The following MAP7 variants were observed in gnomAD, a reference collection of about 807,000 sequenced individuals.
MAP7 encodes ensconsin.
In MAP7, 52 loss-of-function variants were observed where a neutral mutation model predicts 94.8. That is an observed-to-expected ratio of 0.55 (90% CI 0.44 to 0.69). The LOEUF (loss-of-function observed/expected upper bound fraction) is 0.69, where lower values mean the gene tolerates loss of function less well. Ranked by LOEUF, MAP7 falls within the 30% of genes least tolerant of loss-of-function variation. The pLI, the probability that MAP7 is intolerant of heterozygous loss-of-function variation, is 0.00. For missense variants in MAP7, 940 were observed against 964.6 expected (o/e 0.97, Z 0.34); for synonymous variants, 350 against 357.0 (o/e 0.98, Z 0.22).
At chr6:136,390,065 A>G (rs1015050498) in intron 3 of MAP7, among the ~76,000 whole-genome samples, 2 of 152,206 alleles carry the variant, frequency 1.3e-5, no homozygotes, top group African/African-American at 4.8e-5. Context: ...GGAGCTCACA[A>G]TTTAGTTAGA....
chr6:136,369,957 A>C (rs1392177577), intron 8 of MAP7, among the ~76,000 whole-genome samples: 2 of 152,232 alleles, frequency 1.3e-5, no homozygotes, highest in African/African-American at 4.8e-5. Flanking sequence ...ACACTTCTAT[A>C]TATCAAAGGA....
chr6:136,541,931 C>T (rs1189565256), intron 1 of MAP7, among the ~76,000 whole-genome samples: 1 of 152,110 alleles, frequency 6.6e-6, no homozygotes, highest in Non-Finnish European at 1.5e-5. Context: ...TGGTGGTGGG[C>T]ACCTGTAGTC....
intron 3 of MAP7, among the ~76,000 whole-genome samples, chr6:136,397,399 T>A (rs1280121296): frequency 6.6e-6 from 1 of 152,116 alleles, no homozygotes; most frequent in African/African-American, 2.4e-5. Context: ...ATATTCCCTA[T>A]GGATAATGTT....
rs370736421 is a variant in MAP7 at position 136,384,283 on chromosome 6, CGTT to C, written c.527-505_527-503del. Among the ~76,000 whole-genome samples the C allele has an allele frequency of 1.5e-4, 22 of 151,578 alleles. 1 individual carries two copies. The highest frequency in any genetic ancestry group is 1.3e-3 in the Admixed American group (20 of 15,212). ...TTAAAGTTCATTATAGAAGAAGGCT[CGTT>C]GTTGTTGTTGTTGTTTAAATAAAAA... On this transcript the variant is annotated intron_variant, in intron 5 of 17. Transcript: ENST00000354570.
chr6:136,454,880 T>C (rs1802394962), intron 1 of MAP7, among the ~76,000 whole-genome samples: 1 of 151,966 alleles, frequency 6.6e-6, no homozygotes, highest in Admixed American at 6.5e-5. Flanking sequence ...GCTTGGGTGA[T>C]AGGCCAAGAC....
At chr6:136,476,611 T>C (rs1490794477) in intron 1 of MAP7, among the ~76,000 whole-genome samples, 1 of 152,200 alleles carries the variant, frequency 6.6e-6, no homozygotes, top group Non-Finnish European at 1.5e-5. Context: ...TTCAAGTTCG[T>C]ATGACTAGTG....
chr6:136,384,307 A>T (rs972523317), intron 5 of MAP7, among the ~76,000 whole-genome samples: 2 of 151,328 alleles, frequency 1.3e-5, no homozygotes, highest in South Asian at 2.1e-4. Context: ...TTGTTTAAAT[A>T]AAAAAAAAGA....
intron 1 of MAP7, among the ~76,000 whole-genome samples, chr6:136,429,576 GA>G (rs1460257418): frequency 6.6e-6 from 1 of 152,158 alleles, no homozygotes; most frequent in Non-Finnish European, 1.5e-5. Context: ...AGCTAAACAT[GA>G]GGAAAAGGAT....
chr6:136,526,682 T>C, intron 1 of MAP7: 2 of 985,476 alleles, frequency 2.0e-6, no homozygotes, highest in African/African-American at 3.5e-5. Context: ...GAGTTTTGCT[T>C]GCACAAGCAG....
chr6:136,392,944 A>T (rs1781206175), intron 3 of MAP7, among the ~76,000 whole-genome samples: 1 of 152,240 alleles, frequency 6.6e-6, no homozygotes, highest in Admixed American at 6.5e-5. Context: ...AGCCAACAAG[A>T]GAAAATAAGA....
chr6:136,526,295 A>C, intron 1 of MAP7: 1 of 1,030,200 alleles, frequency 9.7e-7, no homozygotes, highest in Non-Finnish European at 1.2e-6. Flanking sequence ...ACACACACAC[A>C]CACACTCCTT....
rs562051989 is a variant in MAP7 at position 136,359,576 on chromosome 6, A to G, written c.1912+244T>C. On this transcript the variant is annotated intron_variant, in intron 15 of 17. Transcript: ENST00000354570. ...ACATATATGCATAAATACATATTAC[A>G]TAAGATGATTTAAAATATCAAGCAA... is the stretch of plus-strand genomic sequence containing the variant. Among the ~76,000 whole-genome samples the G allele has an allele frequency of 1.1e-4, 16 of 152,326 alleles. No homozygotes were observed. In the South Asian group the frequency reaches 3.1e-3, roughly 30 times the overall value.
intron 16 of MAP7, among the ~76,000 whole-genome samples, chr6:136,348,867 G>A (rs1027446889): frequency 5.9e-5 from 9 of 151,974 alleles, no homozygotes; most frequent in Non-Finnish European, 1.5e-5. Context: ...AAAAAAAGAC[G>A]AACATTCTAC....
chr6:136,501,886 T>A (rs1009055639), intron 1 of MAP7, among the ~76,000 whole-genome samples: 2 of 152,170 alleles, frequency 1.3e-5, no homozygotes, highest in African/African-American at 4.8e-5. Flanking sequence ...GATCACAGTC[T>A]GGGTGTGAGG....
chr6:136,358,886 C>G (rs1006691552), intron 15 of MAP7, among the ~76,000 whole-genome samples: 5 of 152,128 alleles, frequency 3.3e-5, no homozygotes, highest in African/African-American at 4.8e-5. Context: ...GCTGCGTAAG[C>G]CTGGCCTGTC....
chr6:136,520,484 A>G (rs890733895), intron 1 of MAP7, among the ~76,000 whole-genome samples: 4 of 152,196 alleles, frequency 2.6e-5, no homozygotes, highest in Non-Finnish European at 4.4e-5. Flanking sequence ...TACTCTGAAA[A>G]GTACAGGGTA....
chr6:136,485,555 ATT>A (rs747333121), intron 1 of MAP7, among the ~76,000 whole-genome samples: 6 of 98,148 alleles, frequency 6.1e-5, no homozygotes, highest in African/African-American at 4.5e-5. Context: ...TCCACTTCAG[ATT>A]TTTTTTTTTT....
At chr6:136,392,388 C>CTTTTTTTTTTTTTTTTTTTTTTTTTTTTT (rs11347286) in intron 3 of MAP7, among the ~76,000 whole-genome samples, 1 of 102,616 alleles carries the variant, frequency 9.7e-6, no homozygotes, top group Non-Finnish European at 2.0e-5. Flanking sequence ...CTGCATCTTG[C>CTTTTTTTTTTTTTTTTTTTTTTTTTTTTT]TTTTTTTTTT....
chr6:136,469,821 T>C (rs971704631), intron 1 of MAP7, among the ~76,000 whole-genome samples: 1 of 152,218 alleles, frequency 6.6e-6, no homozygotes, highest in Non-Finnish European at 1.5e-5. Flanking sequence ...TTTGTTCAAG[T>C]CAAGATCACA....
Sources: allele counts gnomAD v4.1 joint callset (sites outside exome capture counted in the v4.1 genomes callset), GRCh38; gene constraint gnomAD v4.1.1; transcripts MANE v1.5; gene names NCBI Gene and HGNC (gene_info 2026-07-23, HGNC 2026-07-21).